ZNF26: variants seen among roughly 807,000 people sequenced by gnomAD.
ZNF26 encodes the protein zinc finger protein 26.
A neutral mutation model predicts 54.9 loss-of-function variants in ZNF26; 32 were observed. That is an observed-to-expected ratio of 0.58 (90% confidence interval 0.44 to 0.78). The LOEUF is 0.78. Among genes scored for constraint, ZNF26 ranks in the 30% least tolerant of loss-of-function variants. The pLI is 0.00. For missense variants in ZNF26, 524 were observed against 634.0 expected, an observed-to-expected ratio of 0.83 and a Z score of 1.86; for synonymous variants, 221 against 209.2, an observed-to-expected ratio of 1.06 and a Z score of -0.49.
At chr12:133,003,413 C>A (rs1953261982) in intron 1 of ZNF26, among the ~76,000 whole-genome samples, 1 of 152,050 alleles carries the variant, frequency 6.6e-6, no homozygotes, top group African/African-American at 2.4e-5. Flanking sequence ...CGCCACCACG[C>A]CTGGCTAATT....
rs1163490265 is a variant in ZNF26, at chr12:133,025,387, C to T, written c.*13906C>T. 2 of 152,062 alleles carry T rather than the reference C, an allele frequency of 1.3e-5. No individual in the cohort carries two copies. Among genetic ancestry groups the T allele is most frequent in the Non-Finnish European group, 2.9e-5 (2 of 68,032 alleles). 9.4% of individuals were successfully genotyped at this position (152,062 alleles called of 1,614,324 possible). A position where few individuals can be genotyped will look rare whatever the true frequency, so the allele number is the denominator to read the frequency against. ...CTGTAGCAGAGTTTGACGATGAGAT[C>T]CTGGTCTTCAATCTGATATTATAAC... On this transcript the variant is annotated 3_prime_UTR_variant, in exon 4 of 4. Transcript: ENST00000328654.
chr12:133,026,435 A>T lies in ZNF26; in HGVS notation c.*14954A>T, dbSNP rs1953706623. On this transcript the variant is annotated 3_prime_UTR_variant, in exon 4 of 4. Transcript: ENST00000328654. The stretch of plus-strand genomic sequence containing the variant: ...TTTTTTAGGTAATCAAGTTAAAATA[A>T]TAAGTCACTAAATTTTGAGGTGTTC... 1 of 151,738 alleles carries T rather than the reference A, an allele frequency of 6.6e-6. No individual in the cohort carries two copies. The highest frequency in any genetic ancestry group is 1.5e-5 in the Non-Finnish European group (1 of 67,984). The allele number at this position is 151,738 out of a possible 1,614,324, so 9.4% of individuals were successfully genotyped here.
rs1953214524 is a variant in ZNF26, at chr12:133,001,325, T to C, written c.34-5717T>C. Among the ~76,000 whole-genome samples the C allele has an allele frequency of 6.6e-6, 1 of 152,156 alleles. No homozygotes were observed. The highest frequency in any genetic ancestry group is 1.5e-5 in the Non-Finnish European group (1 of 68,028). On this transcript the variant is annotated intron_variant, in intron 1 of 3. Transcript: ENST00000328654. The surrounding 1 kb of genome is among the most constrained non-coding windows in gnomAD (Gnocchi z 4.7). ...TCCAAGCTCTTGTACCTCCCCTCAT[T>C]CTAGCCTGCAGAGGGGAGATGGAGG...
At position 133,018,504 on chromosome 12, in the gene ZNF26, T is replaced by C. The variant is rs955205908; in HGVS notation, c.*7023T>C. ...ACTAAAGAAATAACTGCAAAAATAT[T>C]GTAAGGAATCATTAAATAAATAAAA... On this transcript the variant is annotated 3_prime_UTR_variant, in exon 4 of 4. Coordinates refer to ENST00000328654, the MANE Select transcript of ZNF26 (RefSeq NM_019591.4). The C allele has an allele frequency of 2.0e-5, 3 of 152,234 alleles. No homozygotes were observed. Among genetic ancestry groups the C allele is most frequent in the South Asian group, 4.1e-4 (2 of 4,828 alleles). The allele number at this position is 152,234 out of a possible 1,614,324, so 9.4% of individuals were successfully genotyped here.
intron 1 of ZNF26, 127 bp downstream of exon 1, chr12:132,987,000 A>G: frequency 1.9e-6 from 2 of 1,046,672 alleles, no homozygotes; most frequent in Admixed American, 4.7e-5. Context: ...TTACTAGACT[A>G]CCCTCCCCAC....
Position 133,021,878 on chromosome 12 carries a change from ATTAC to A in ZNF26, c.*10400_*10403del, listed in dbSNP as rs1407176141. 5 of 152,186 alleles carry A rather than the reference ATTAC, an allele frequency of 3.3e-5. No homozygotes were observed. Among genetic ancestry groups the A allele is most frequent in the African/African-American group, 1.2e-4 (5 of 41,444 alleles). 9.4% of individuals were successfully genotyped at this position (152,186 alleles called of 1,614,324 possible). A position where few individuals can be genotyped will look rare whatever the true frequency, so the allele number is the denominator to read the frequency against. Reference sequence around the variant, plus strand: ...TTCATTATCATTGTGTAAATTCTATATTACTTTTTAAACTTTCATGTTTTGTGGA... The same window carrying A: ...TTCATTATCATTGTGTAAATTCTATATTTTTAAACTTTCATGTTTTGTGGA... On this transcript the variant is annotated 3_prime_UTR_variant, in exon 4 of 4. Transcript: ENST00000328654.
intron 1 of ZNF26, among the ~76,000 whole-genome samples, chr12:133,004,166 G>A (rs946124409): frequency 7.1e-4 from 108 of 152,188 alleles, no homozygotes; most frequent in Middle Eastern, 3.4e-3. Flanking sequence ...AGCTGTACTT[G>A]TCTTCCTCCC....
chr12:132,990,757 A>G (rs1239329131), intron 1 of ZNF26, among the ~76,000 whole-genome samples: 1 of 152,046 alleles, frequency 6.6e-6, no homozygotes, highest in Non-Finnish European at 1.5e-5. Flanking sequence ...CTTTTTGTTC[A>G]GTTTTGGCAG....
At chr12:132,993,179 C>T (rs909265335) in intron 1 of ZNF26, among the ~76,000 whole-genome samples, 7 of 151,816 alleles carry the variant, frequency 4.6e-5, no homozygotes, top group South Asian at 2.1e-4. Flanking sequence ...TGCGCACCAC[C>T]GTGCCTAGCT....
Position 132,998,669 on chromosome 12 carries a change from G to A in ZNF26, c.34-8373G>A, listed in dbSNP as rs1007117611. ...GCCACAGATCAGGAATCTTTAAGGT[G>A]GACAAGGTACCAGGCGAGTCTTTCC... On this transcript the variant is annotated intron_variant, in intron 1 of 3. Coordinates refer to ENST00000328654, the MANE Select transcript of ZNF26 (RefSeq NM_019591.4). Among the ~76,000 whole-genome samples, 59 of 152,278 alleles carry A rather than the reference G, an allele frequency of 3.9e-4. No individual in the cohort carries two copies. The South Asian group carries it at 0.011, about 27-fold the overall frequency.
In ZNF26 at chr12:133,025,071, T is replaced by C. The variant is rs1205916509; in HGVS notation, c.*13590T>C. The C allele has an allele frequency of 1.3e-5, 2 of 152,030 alleles. No homozygotes were observed. Among genetic ancestry groups the C allele is most frequent in the Non-Finnish European group, 2.9e-5 (2 of 68,010 alleles). The allele number at this position is 152,030 out of a possible 1,614,324, so 9.4% of individuals were successfully genotyped here. On this transcript the variant is annotated 3_prime_UTR_variant, in exon 4 of 4. Transcript: ENST00000328654. ...GAGAGCAGAACTAAGATCCAGAGGGTAGAGCAAAGAGCCATGGAGGAGAAG... is the reference window on the plus strand; with the variant it reads ...GAGAGCAGAACTAAGATCCAGAGGGCAGAGCAAAGAGCCATGGAGGAGAAG...
intron 1 of ZNF26, among the ~76,000 whole-genome samples, chr12:132,997,561 A>G (rs1953114631): frequency 6.6e-6 from 1 of 152,164 alleles, no homozygotes; most frequent in East Asian, 1.9e-4. Context: ...TTTCTATCTT[A>G]TGCGCCCTCC....
chr12:133,003,775 A>C (rs1334914904), intron 1 of ZNF26, among the ~76,000 whole-genome samples: 3 of 152,190 alleles, frequency 2.0e-5, no homozygotes, highest in Non-Finnish European at 4.4e-5. Flanking sequence ...TAGAAAAGCC[A>C]TCTAGCATAG....
chr12:133,001,593 C>T lies in ZNF26; in HGVS notation c.34-5449C>T. On this transcript the variant is annotated intron_variant, in intron 1 of 3. Transcript: ENST00000328654. This position sits in a 1 kb window ranked among gnomAD's most constrained non-coding sequence, Gnocchi z 4.7. ...ACTGCATGCAGACTCACCCAGAAGT[C>T]CACTCACTGCCTCTTCCCCTGGGGT... The T allele has an allele frequency of 8.5e-7, 1 of 1,173,074 alleles. No individual in the cohort carries two copies. The highest frequency in any genetic ancestry group is 1.1e-6 in the Non-Finnish European group (1 of 883,304). The allele number at this position is 1,173,074 out of a possible 1,614,324, so 72.7% of individuals were successfully genotyped here. A position where few individuals can be genotyped will look rare whatever the true frequency, so the allele number is the denominator to read the frequency against.
Position 133,011,528 on chromosome 12 carries a change from G to T in ZNF26, c.*47G>T. ...GAGAAACTGATGTTCAGGAGACTTC[G>T]GATAATATAGACAGGATTTACAAGC... On this transcript the variant is annotated 3_prime_UTR_variant, in exon 4 of 4. Transcript: ENST00000328654. 1.3e-6 allele frequency: 2 copies of T among 1,497,584 alleles called. No individual in the cohort carries two copies. The highest frequency in any genetic ancestry group is 8.9e-7 in the Non-Finnish European group (1 of 1,125,664). The allele number at this position is 1,497,584 out of a possible 1,614,324, so 92.8% of individuals were successfully genotyped here. A position where few individuals can be genotyped will look rare whatever the true frequency, so the allele number is the denominator to read the frequency against.
At chr12:132,996,769 G>A (rs1401827066) in intron 1 of ZNF26, among the ~76,000 whole-genome samples, 3 of 152,150 alleles carry the variant, frequency 2.0e-5, no homozygotes, top group African/African-American at 7.2e-5. Context: ...TTGTTACTGT[G>A]ATCATATAGG....
At chr12:133,003,257 C>CTTTTT (rs796349481) in intron 1 of ZNF26, among the ~76,000 whole-genome samples, 1 of 135,344 alleles carries the variant, frequency 7.4e-6, no homozygotes, top group African/African-American at 2.7e-5. Flanking sequence ...GTTCCCTTTT[C>CTTTTT]TTTTTTTTTT....
chr12:132,999,165 A>G (rs986531053), intron 1 of ZNF26, among the ~76,000 whole-genome samples: 18 of 152,226 alleles, frequency 1.2e-4, no homozygotes, highest in Non-Finnish European at 1.9e-4. Context: ...GTGGAACAGA[A>G]GCCATGTCTG....
At chr12:133,000,901 T>C (rs1953203936) in intron 1 of ZNF26, among the ~76,000 whole-genome samples, 2 of 152,068 alleles carry the variant, frequency 1.3e-5, no homozygotes. Flanking sequence ...TAAAAGGCTT[T>C]AAATAAAATA....
Sources: gnomAD v4.1 joint callset for allele counts (sites outside exome capture counted in the v4.1 genomes callset) on GRCh38, gnomAD v4.1.1 for gene constraint, Gnocchi (gnomAD v3.1) non-coding constraint, MANE v1.5 for transcripts, NCBI Gene and HGNC (gene_info 2026-07-23, HGNC 2026-07-21) for gene names.